KCNH7: variants seen among roughly 807,000 people sequenced by gnomAD.
The protein encoded by KCNH7 is voltage-gated inwardly rectifying potassium channel KCNH7.
Under a neutral mutation model 120.8 loss-of-function variants are expected in KCNH7, and 49 were observed. That is an observed-to-expected ratio of 0.41 (90% CI 0.32 to 0.51). The LOEUF (loss-of-function observed/expected upper bound fraction) is 0.51. KCNH7 is among the 20% of genes least tolerant of loss of function. KCNH7 has a pLI of 0.38. For synonymous variants in KCNH7, 547 were observed against 516.1 expected, an observed-to-expected ratio of 1.06 and a Z score of -0.81; for missense variants, 1,097 against 1,446.6, an observed-to-expected ratio of 0.76 and a Z score of 3.92.
chr2:162,724,888 G>T (rs1165643029), intron 2 of KCNH7, among the ~76,000 whole-genome samples: 1 of 152,086 alleles, frequency 6.6e-6, no homozygotes, highest in East Asian at 1.9e-4. Flanking sequence ...CAAAGGAAAA[G>T]GTTACTTCCT....
chr2:162,373,165 G>T (rs1249695852), intron 15 of KCNH7, among the ~76,000 whole-genome samples: 1 of 152,046 alleles, frequency 6.6e-6, no homozygotes, highest in Non-Finnish European at 1.5e-5. Flanking sequence ...AGATTTCAAA[G>T]CTCTACCACA....
chr2:162,614,855 A>G (rs1470603762), intron 2 of KCNH7, among the ~76,000 whole-genome samples: 1 of 151,510 alleles, frequency 6.6e-6, no homozygotes, highest in African/African-American at 2.4e-5. Flanking sequence ...TTGTACTCTT[A>G]TATTTCTTCA....
chr2:162,511,454 C>T (rs535556495), intron 5 of KCNH7, among the ~76,000 whole-genome samples: 2 of 145,838 alleles, frequency 1.4e-5, no homozygotes, highest in African/African-American at 5.1e-5. Context: ...TAATTTGCTC[C>T]CTTTTAGAAA....
rs188920528 is a variant in KCNH7, at chr2:162,550,221, C to T, written c.308-13141G>A. On this transcript the variant is annotated intron_variant, in intron 2 of 15. Transcript: ENST00000332142. ...TTTGGGATATGCAACTCCCAAGCCA[C>T]GACCTCTCTAGGAAAGAATTGAAAT... Among the ~76,000 whole-genome samples the T allele has an allele frequency of 2.8e-3, 424 of 152,266 alleles. 5 individuals carry two copies. The highest frequency in any genetic ancestry group is 9.7e-3 in the African/African-American group (405 of 41,566).
intron 6 of KCNH7, among the ~76,000 whole-genome samples, chr2:162,467,012 T>C (rs1344250319): frequency 6.6e-6 from 1 of 152,154 alleles, no homozygotes; most frequent in African/African-American, 2.4e-5. Context: ...TCCAAATAAT[T>C]CTGTTTGACT....
At chr2:162,830,268 C>A (rs542637715) in intron 2 of KCNH7, among the ~76,000 whole-genome samples, 3 of 152,118 alleles carry the variant, frequency 2.0e-5, no homozygotes, top group Non-Finnish European at 4.4e-5. Flanking sequence ...AAAGACTAAA[C>A]AGAGCCTCAG....
At chr2:162,375,895 T>TA (rs1224297777) in intron 14 of KCNH7, among the ~76,000 whole-genome samples, 1,103 of 92,016 alleles carry the variant, frequency 0.012, 12 homozygotes, top group African/African-American at 0.025. Context: ...AGACCCTATC[T>TA]AAAAAAAAAA....
chr2:162,514,530 A>G lies in KCNH7; in HGVS notation c.893-1856T>C, dbSNP rs550109653. Among the ~76,000 whole-genome samples, 4 of 151,888 alleles carry G rather than the reference A, an allele frequency of 2.6e-5. No homozygotes were observed. The South Asian group carries it at 8.3e-4, about 31-fold the overall frequency. ...GGCTTGTGCACTGGTCTTAGCTGAG[A>G]TCTGCTTGTTATTCTTCCATGACAA... On this transcript the variant is annotated intron_variant, in intron 4 of 15. Coordinates refer to ENST00000332142, the MANE Select transcript of KCNH7 (RefSeq NM_033272.4).
At chr2:162,725,731 C>CT (rs1687489641) in intron 2 of KCNH7, among the ~76,000 whole-genome samples, 1 of 152,052 alleles carries the variant, frequency 6.6e-6, no homozygotes, top group Non-Finnish European at 1.5e-5. Context: ...CATTATGAAA[C>CT]TTTTTTGTTG....
intron 2 of KCNH7, among the ~76,000 whole-genome samples, chr2:162,639,314 AC>A (rs1301123206): frequency 6.6e-6 from 1 of 152,160 alleles, no homozygotes; most frequent in African/African-American, 2.4e-5. Context: ...ATAGGTAGGC[AC>A]TTTTATTATC....
rs139738565 is a variant in KCNH7 at position 162,680,210 on chromosome 2, C to T, written c.308-143130G>A. 5.3e-3 allele frequency among the ~76,000 whole-genome samples: 808 copies of T among 151,738 alleles called. 7 individuals carry two copies. The highest frequency in any genetic ancestry group is 0.019 in the African/African-American group (778 of 41,460). Reference sequence around the variant, plus strand: ...GGGTGGGTATGATCATGTAGTGGGCCACCCTCCCTCTAACAATATTTTCAC... The same window carrying T: ...GGGTGGGTATGATCATGTAGTGGGCTACCCTCCCTCTAACAATATTTTCAC... On this transcript the variant is annotated intron_variant, in intron 2 of 15. Transcript: ENST00000332142.
intron 6 of KCNH7, among the ~76,000 whole-genome samples, chr2:162,465,333 A>T (rs989029778): frequency 6.6e-6 from 1 of 152,190 alleles, no homozygotes; most frequent in African/African-American, 2.4e-5. Flanking sequence ...ACTAGTCAAG[A>T]GTAATCATTG....
chr2:162,626,810 A>G (rs921629002), intron 2 of KCNH7, among the ~76,000 whole-genome samples: 3 of 152,192 alleles, frequency 2.0e-5, no homozygotes, highest in Admixed American at 1.3e-4. Flanking sequence ...GTAATTAGTT[A>G]AAAGGACGAT....
intron 2 of KCNH7, among the ~76,000 whole-genome samples, chr2:162,567,840 T>C (rs996255664): frequency 3.9e-5 from 6 of 152,006 alleles, no homozygotes; most frequent in African/African-American, 1.2e-4. Context: ...TGAAAGACTA[T>C]ATATAGGATG....
chr2:162,755,828 C>G (rs972078419), intron 2 of KCNH7, among the ~76,000 whole-genome samples: 2 of 151,966 alleles, frequency 1.3e-5, no homozygotes, highest in East Asian at 3.9e-4. Context: ...GAAAAAAAAT[C>G]ATTGGCATAT....
intron 2 of KCNH7, among the ~76,000 whole-genome samples, chr2:162,540,107 A>C (rs1327777883): frequency 1.3e-5 from 2 of 152,086 alleles, no homozygotes; most frequent in African/African-American, 4.8e-5. Flanking sequence ...AAAAATAGAC[A>C]TCTAATAATG....
At chr2:162,808,239 T>A (rs2105561041) in intron 2 of KCNH7, among the ~76,000 whole-genome samples, 1 of 152,356 alleles carries the variant, frequency 6.6e-6, no homozygotes, top group African/African-American at 2.4e-5. Context: ...TAATTTTTAT[T>A]GTTTTTAAAA....
chr2:162,577,348 CCTATCTATCTATCTATCTAT>C lies in KCNH7; in HGVS notation c.308-40288_308-40269del, dbSNP rs71009364. 7.3e-3 allele frequency among the ~76,000 whole-genome samples: 954 copies of C among 131,370 alleles called. 14 individuals carry two copies. The highest frequency in any genetic ancestry group is 0.018 in the African/African-American group (644 of 34,998). The allele number at this position is 131,370 out of a possible 152,430, so 86.2% of individuals were successfully genotyped here. ...ATCTATCTGTCTATCATCTATCCAT[CCTATCTATCTATCTATCTAT>C]CTATCTATCTATCTATCTATCTATC... On this transcript the variant is annotated intron_variant, in intron 2 of 15. Coordinates refer to ENST00000332142, the MANE Select transcript of KCNH7 (RefSeq NM_033272.4).
intron 6 of KCNH7, among the ~76,000 whole-genome samples, chr2:162,503,862 T>C (rs1690772809): frequency 6.6e-6 from 1 of 152,068 alleles, no homozygotes; most frequent in African/African-American, 2.4e-5. Flanking sequence ...CATTTTTATC[T>C]ACTCTCTGAA....
Sources: gnomAD v4.1 joint callset for allele counts (sites outside exome capture counted in the v4.1 genomes callset) on GRCh38, gnomAD v4.1.1 for gene constraint, MANE v1.5 for transcripts, NCBI Gene and HGNC (gene_info 2026-07-23, HGNC 2026-07-21) for gene names.